The following RIC1 variants were observed in gnomAD, a reference collection of about 807,000 sequenced individuals.
The protein encoded by RIC1 is guanine nucleotide exchange factor subunit RIC1.
Under a neutral mutation model 169.0 loss-of-function variants are expected in RIC1, and 88 were observed. The ratio of observed to expected loss-of-function variants is 0.52; its 90% confidence interval spans 0.44 to 0.62. RIC1 has a LOEUF of 0.62. Ranked by LOEUF, RIC1 falls within the 20% of genes least tolerant of loss-of-function variation. RIC1 has a pLI of 0.00. For synonymous variants in RIC1, 790 were observed against 601.5 expected, an observed-to-expected ratio of 1.31 and a Z score of -4.59; for missense variants, 1,877 against 1,725.5, an observed-to-expected ratio of 1.09 and a Z score of -1.56.
chr9:5,706,617 C>G (rs967464195), intron 3 of RIC1, among the ~76,000 whole-genome samples: 1 of 152,074 alleles, frequency 6.6e-6, no homozygotes, highest in African/African-American at 2.4e-5. Flanking sequence ...ATTAGTGACT[C>G]AATTTCATTA....
chr9:5,684,176 C>T (rs997812454), intron 2 of RIC1, among the ~76,000 whole-genome samples: 6 of 148,462 alleles, frequency 4.0e-5, no homozygotes, highest in Non-Finnish European at 7.4e-5. Context: ...GAGATGAACC[C>T]GGCATCTCAG....
chr9:5,695,724 C>A (rs967826369), intron 3 of RIC1, among the ~76,000 whole-genome samples: 5 of 151,956 alleles, frequency 3.3e-5, no homozygotes, highest in Non-Finnish European at 5.9e-5. Context: ...GCATGCACCA[C>A]CACACCTAGC....
intron 3 of RIC1, among the ~76,000 whole-genome samples, chr9:5,698,640 G>C (rs1249509408): frequency 1.3e-5 from 2 of 152,150 alleles, no homozygotes; most frequent in East Asian, 3.8e-4. Context: ...AAATATGGCA[G>C]TTGGAATCAG....
rs753274442 is a variant in RIC1, at chr9:5,772,560, T to G, written c.3617-4T>G. On this transcript the variant is annotated splice_polypyrimidine_tract_variant and splice_region_variant and intron_variant, in intron 23 of 25. Transcript: ENST00000414202. ...GGTTGTAACTTTTGGCAATTCTTCA[T>G]CAGGTGATGAATGCAGTATTGGTTC... 6.4e-7 allele frequency: 1 copy of G among 1,571,434 alleles called. No homozygotes were observed. The highest frequency in any genetic ancestry group is 2.0e-5 in the Admixed American group (1 of 49,182).
At chr9:5,773,697 T>G (rs1648430036) in intron 25 of RIC1, among the ~76,000 whole-genome samples, 1 of 152,210 alleles carries the variant, frequency 6.6e-6, no homozygotes, top group South Asian at 2.1e-4. Context: ...ATATAATTTT[T>G]AGTTGTAATA....
chr9:5,693,456 T>C (rs1821703575), intron 3 of RIC1, among the ~76,000 whole-genome samples: 2 of 152,154 alleles, frequency 1.3e-5, no homozygotes, highest in Non-Finnish European at 2.9e-5. Flanking sequence ...GGCAGTCTTA[T>C]TAAGTGACTC....
intron 3 of RIC1, among the ~76,000 whole-genome samples, chr9:5,706,209 C>T (rs565718724): frequency 4.6e-5 from 7 of 152,262 alleles, no homozygotes; most frequent in Admixed American, 4.6e-4. Flanking sequence ...CCTGTAATCC[C>T]AGCATTTTGG....
rs72689466 is a variant in RIC1, at chr9:5,651,596, C to G, written c.145-4987C>G. 9.7e-3 allele frequency among the ~76,000 whole-genome samples: 1,374 copies of G among 142,124 alleles called. 8 individuals carry two copies. Among genetic ancestry groups the G allele is most frequent in the Non-Finnish European group, 0.016 (1,042 of 66,070 alleles). 93.2% of individuals were successfully genotyped at this position (142,124 alleles called of 152,430 possible). Reference sequence around the variant, plus strand: ...TTTTTTTTTTATTGAGACAGTCTCACCCTGTCCTTCATTCTTGAGTGCAGT... The same window carrying G: ...TTTTTTTTTTATTGAGACAGTCTCAGCCTGTCCTTCATTCTTGAGTGCAGT... On this transcript the variant is annotated intron_variant, in intron 1 of 25. Coordinates refer to ENST00000414202, the MANE Select transcript of RIC1 (RefSeq NM_020829.4).
chr9:5,730,519 C>A (rs1351000694), intron 6 of RIC1, among the ~76,000 whole-genome samples: 1 of 152,060 alleles, frequency 6.6e-6, no homozygotes, highest in Non-Finnish European at 1.5e-5. Context: ...GTAGGCATTT[C>A]TAAATTAGAG....
At position 5,742,946 on chromosome 9, in the gene RIC1, T is replaced by C. The variant is rs1172746271; in HGVS notation, c.979T>C (p.Tyr327His). The change falls in exon 9 of 26, where the codon TAC (tyrosine) becomes CAC (histidine). Residue 327 changes from tyrosine (Y) to histidine (H), a missense_variant. By Grantham distance (83) the Tyr-to-His change is moderately conservative. Transcript: ENST00000414202. ...DNSVVIVTWE[Y>H]GGLSLWSVFG... ...TAGTGTTGTAATAGTGACCTGGGAA[T>C]ACGGAGGCCTTTCTTTATGGAGTGT... 1 of 1,613,544 alleles carries C rather than the reference T, an allele frequency of 6.2e-7. No homozygotes were observed. The highest frequency in any genetic ancestry group is 1.1e-5 in the South Asian group (1 of 91,050).
chr9:5,638,527 T>C (rs1818083414), intron 1 of RIC1, among the ~76,000 whole-genome samples: 2 of 152,226 alleles, frequency 1.3e-5, no homozygotes, highest in Admixed American at 1.3e-4. Flanking sequence ...CTGTTGTTAG[T>C]CTGTTCAGGT....
At chr9:5,736,693 A>T (rs1470108450) in intron 7 of RIC1, among the ~76,000 whole-genome samples, 1 of 152,230 alleles carries the variant, frequency 6.6e-6, no homozygotes, top group Non-Finnish European at 1.5e-5. Flanking sequence ...AAACTTCTAG[A>T]GGTGAAAACT....
chr9:5,647,374 C>T (rs905464616), intron 1 of RIC1, among the ~76,000 whole-genome samples: 6 of 152,204 alleles, frequency 3.9e-5, no homozygotes, highest in African/African-American at 1.4e-4. Flanking sequence ...AAAGGACTTA[C>T]ATTGACTATG....
intron 12 of RIC1, 30 bp from the exon 13 acceptor site, chr9:5,753,170 T>C (rs747585050): frequency 4.4e-6 from 7 of 1,585,964 alleles, no homozygotes; most frequent in African/African-American, 1.3e-5. Context: ...TTTCATAAGT[T>C]TTACCAATCT....
At chr9:5,645,730 C>T (rs186318032) in intron 1 of RIC1, among the ~76,000 whole-genome samples, 23 of 152,288 alleles carry the variant, frequency 1.5e-4, no homozygotes, top group African/African-American at 5.5e-4. Context: ...CCAAAATTTC[C>T]TTCCTTCTTA....
At chr9:5,645,296 C>T (rs1818450413) in intron 1 of RIC1, among the ~76,000 whole-genome samples, 1 of 152,114 alleles carries the variant, frequency 6.6e-6, no homozygotes, top group African/African-American at 2.4e-5. Context: ...AGGCTATCCT[C>T]CGAAAGTGTT....
chr9:5,770,795 T>A (rs1020764237), intron 23 of RIC1, among the ~76,000 whole-genome samples: 1 of 152,230 alleles, frequency 6.6e-6, no homozygotes, highest in African/African-American at 2.4e-5. Context: ...CCTTAAAAGC[T>A]TGTAGTATTT....
At chr9:5,737,151 A>G (rs1824764977) in intron 7 of RIC1, among the ~76,000 whole-genome samples, 1 of 152,190 alleles carries the variant, frequency 6.6e-6, no homozygotes, top group Non-Finnish European at 1.5e-5. Context: ...CTGAATGTGC[A>G]TTAAATTTTT....
chr9:5,637,355 CA>C (rs1433945426), intron 1 of RIC1, among the ~76,000 whole-genome samples: 2 of 152,134 alleles, frequency 1.3e-5, no homozygotes, highest in African/African-American at 4.8e-5. Flanking sequence ...AGGCATGAGC[CA>C]CTATACCCAG....
Sources: allele counts gnomAD v4.1 joint callset (sites outside exome capture counted in the v4.1 genomes callset), GRCh38; gene constraint gnomAD v4.1.1; transcripts MANE v1.5; gene names NCBI Gene and HGNC (gene_info 2026-07-23, HGNC 2026-07-21).